Variants in SPOCK1 observed in about 807,000 individuals in gnomAD.
SPOCK1 encodes the protein SPARC (osteonectin), cwcv and kazal like domains proteoglycan 1.
In SPOCK1, 23 loss-of-function variants were observed where a neutral mutation model predicts 55.3. The observed-to-expected ratio is 0.42, with a 90% CI of 0.30 to 0.59. SPOCK1 has a LOEUF of 0.59. Among genes scored for constraint, SPOCK1 ranks in the 20% least tolerant of loss-of-function variants. The pLI, the probability that SPOCK1 is intolerant of heterozygous loss-of-function variation, is 0.22. For missense variants in SPOCK1, 499 were observed against 552.5 expected (o/e 0.90, Z 0.97); for synonymous variants, 226 against 221.0 (o/e 1.02, Z -0.20).
At chr5:137,181,453 G>A (rs1427825045) in intron 3 of SPOCK1, among the ~76,000 whole-genome samples, 2 of 152,308 alleles carry the variant, frequency 1.3e-5, no homozygotes, top group East Asian at 3.9e-4. Flanking sequence ...CTGTGGTTCT[G>A]CTCACAAAAT....
intron 2 of SPOCK1, among the ~76,000 whole-genome samples, chr5:137,417,203 T>C (rs1387841363): frequency 6.6e-6 from 1 of 152,084 alleles, no homozygotes; most frequent in Non-Finnish European, 1.5e-5. Flanking sequence ...CAGTTTTTTT[T>C]CTCATATGAG....
intron 2 of SPOCK1, among the ~76,000 whole-genome samples, chr5:137,422,054 TG>T (rs1752510902): frequency 6.6e-6 from 1 of 152,252 alleles, no homozygotes; most frequent in South Asian, 2.1e-4. Context: ...CCTTCACTTA[TG>T]AAGCTCAGTT....
intron 2 of SPOCK1, among the ~76,000 whole-genome samples, chr5:137,383,147 T>G (rs906681834): frequency 1.3e-5 from 2 of 152,244 alleles, no homozygotes; most frequent in African/African-American, 2.4e-5. Context: ...ACTTAAGAGT[T>G]AAGCCCTCAA....
chr5:137,098,480 C>T (rs956606677), intron 5 of SPOCK1, among the ~76,000 whole-genome samples: 1 of 152,198 alleles, frequency 6.6e-6, no homozygotes, highest in African/African-American at 2.4e-5. Context: ...AAGAGACCAC[C>T]CTGGAAGAGG....
chr5:137,142,578 C>T (rs1432806285), intron 3 of SPOCK1, among the ~76,000 whole-genome samples: 1 of 152,210 alleles, frequency 6.6e-6, no homozygotes, highest in Non-Finnish European at 1.5e-5. Flanking sequence ...GACTCTGATA[C>T]TTGGAGCTTA....
intron 5 of SPOCK1, among the ~76,000 whole-genome samples, chr5:137,107,352 T>C (rs946232967): frequency 6.6e-6 from 1 of 152,258 alleles, no homozygotes; most frequent in African/African-American, 2.4e-5. Context: ...AAATGCAGTA[T>C]CAAGAGTAGT....
intron 2 of SPOCK1, among the ~76,000 whole-genome samples, chr5:137,356,838 T>TATATATATATAG (rs1554077335): frequency 1.5e-3 from 8 of 5,456 alleles, no homozygotes; most frequent in Admixed American, 2.8e-3. Flanking sequence ...TATATATATA[T>TATATATATATAG]AGAGAGAGAG....
intron 5 of SPOCK1, among the ~76,000 whole-genome samples, chr5:137,101,550 G>A (rs762550432): frequency 1.3e-5 from 2 of 152,210 alleles, no homozygotes; most frequent in Non-Finnish European, 2.9e-5. Context: ...ATGCATGTTT[G>A]CATACAGAAC....
chr5:137,441,326 G>A (rs1035684385), intron 2 of SPOCK1, among the ~76,000 whole-genome samples: 2 of 152,200 alleles, frequency 1.3e-5, no homozygotes, highest in African/African-American at 4.8e-5. Context: ...TGCCTCAGCT[G>A]TCACCTCAGA....
intron 9 of SPOCK1, among the ~76,000 whole-genome samples, chr5:136,983,569 C>G (rs1750775558): frequency 1.4e-5 from 2 of 146,982 alleles, no homozygotes; most frequent in African/African-American, 5.0e-5. Flanking sequence ...GATTCTCAAT[C>G]AAGGACTGCA....
At chr5:137,212,419 C>T (rs1529815) in intron 3 of SPOCK1, among the ~76,000 whole-genome samples, 60,557 of 151,980 alleles carry the variant, frequency 0.4, 13,177 homozygotes, top group Non-Finnish European at 0.48. Flanking sequence ...GCAACTAATA[C>T]GTGAATGATG....
At chr5:137,093,971 A>G (rs1050691618) in intron 5 of SPOCK1, among the ~76,000 whole-genome samples, 1 of 152,178 alleles carries the variant, frequency 6.6e-6, no homozygotes, top group Admixed American at 6.5e-5. Flanking sequence ...ACTGATGGAA[A>G]CAGAGACCAG....
At chr5:137,430,556 A>T (rs2149828730) in intron 2 of SPOCK1, among the ~76,000 whole-genome samples, 1 of 152,304 alleles carries the variant, frequency 6.6e-6, no homozygotes, top group South Asian at 2.1e-4. Flanking sequence ...GCAAAACTAC[A>T]TTTGCATAGT....
intron 2 of SPOCK1, among the ~76,000 whole-genome samples, chr5:137,418,614 T>C (rs1752406070): frequency 6.6e-6 from 1 of 152,244 alleles, no homozygotes; most frequent in African/African-American, 2.4e-5. Flanking sequence ...TTTTGAGAAG[T>C]GTCTGTTCAT....
In SPOCK1 at chr5:137,499,292, G is replaced by A. The variant is rs1312758104; in HGVS notation, c.-114C>T. 6.6e-6 allele frequency: 1 copy of A among 151,810 alleles called. No homozygotes were observed. Among genetic ancestry groups the A allele is most frequent in the Non-Finnish European group, 1.5e-5 (1 of 67,942 alleles). 9.4% of individuals were successfully genotyped at this position (151,810 alleles called of 1,614,324 possible). A position where few individuals can be genotyped will look rare whatever the true frequency, so the allele number is the denominator to read the frequency against. Reference sequence around the variant, plus strand: ...TGCGCTCCTGCCACACGCCGCCGCCGAGCGTCTGGCCGCTTTGTGAGCCCG... The same window carrying A: ...TGCGCTCCTGCCACACGCCGCCGCCAAGCGTCTGGCCGCTTTGTGAGCCCG... On this transcript the variant is annotated 5_prime_UTR_variant, in exon 1 of 11. Coordinates refer to ENST00000394945, the MANE Select transcript of SPOCK1 (RefSeq NM_004598.4).
Position 137,063,149 on chromosome 5 carries a change from C to T in SPOCK1, c.589+4566G>A, listed in dbSNP as rs895700507. ...TCGGGAGGCTGAGGCAGGAGAATGGCGTGAACCCGGGAAGCGGAGCTTGCA... is the reference window on the plus strand; with the variant it reads ...TCGGGAGGCTGAGGCAGGAGAATGGTGTGAACCCGGGAAGCGGAGCTTGCA... On this transcript the variant is annotated intron_variant, in intron 6 of 10. Transcript: ENST00000394945. Among the ~76,000 whole-genome samples, 126 of 146,508 alleles carry T rather than the reference C, an allele frequency of 8.6e-4. 1 individual carries two copies. The highest frequency in any genetic ancestry group is 3.0e-3 in the African/African-American group (120 of 39,534).
chr5:137,459,466 A>G (rs77398069), intron 2 of SPOCK1, among the ~76,000 whole-genome samples: 1 of 59,948 alleles, frequency 1.7e-5, no homozygotes, highest in South Asian at 5.8e-4. Context: ...TTTTTTTTTT[A>G]ATTCATTGCT....
At chr5:137,292,741 T>C (rs1757397789) in intron 2 of SPOCK1, among the ~76,000 whole-genome samples, 2 of 148,652 alleles carry the variant, frequency 1.3e-5, no homozygotes, top group South Asian at 2.2e-4. Context: ...TACCTGTAGA[T>C]ACACATCCTA....
intron 2 of SPOCK1, among the ~76,000 whole-genome samples, chr5:137,355,731 C>G (rs560693889): frequency 3.3e-5 from 5 of 152,130 alleles, no homozygotes; most frequent in Admixed American, 6.5e-5. Flanking sequence ...AACACCCCCC[C>G]ACACCACTCT....
Sources: gnomAD v4.1 joint callset for allele counts (sites outside exome capture counted in the v4.1 genomes callset) on GRCh38, gnomAD v4.1.1 for gene constraint, MANE v1.5 for transcripts, NCBI Gene and HGNC (gene_info 2026-07-23, HGNC 2026-07-21) for gene names.